NCKAP5: variants seen among roughly 807,000 people sequenced by gnomAD.
NCKAP5 encodes NCK associated protein 5.
In NCKAP5, 92 loss-of-function variants were observed where a neutral mutation model predicts 167.0. That is an observed-to-expected ratio of 0.55 (90% CI 0.47 to 0.66). The LOEUF (loss-of-function observed/expected upper bound fraction) is 0.66, where lower values mean the gene tolerates loss of function less well. Ranked by LOEUF, NCKAP5 falls within the 30% of genes least tolerant of loss-of-function variation. NCKAP5 has a pLI of 0.00. For synonymous variants in NCKAP5, 891 were observed against 877.4 expected (o/e 1.02, Z -0.27); for missense variants, 2,378 against 2,315.0 (o/e 1.03, Z -0.56).
chr2:133,593,565 A>T, the NCKAP5 span, among the ~76,000 whole-genome samples: 1 of 152,156 alleles, frequency 6.6e-6, no homozygotes, highest in Non-Finnish European at 1.5e-5. Flanking sequence ...CTTTTTGCCG[A>T]AGGCTGGGGA....
At chr2:133,236,070 CAAAAAAA>C (rs527705526) in intron 4 of NCKAP5, among the ~76,000 whole-genome samples, 5 of 15,652 alleles carry the variant, frequency 3.2e-4, no homozygotes, top group African/African-American at 5.7e-4. Context: ...TGTCTCAGAC[CAAAAAAA>C]AAAAAAAAAA....
At chr2:133,338,724 A>T (rs1482363230) in intron 3 of NCKAP5, among the ~76,000 whole-genome samples, 2 of 152,128 alleles carry the variant, frequency 1.3e-5, no homozygotes, top group African/African-American at 4.8e-5. Flanking sequence ...ATACAAGGCC[A>T]TGGCCAGGCA....
intron 5 of NCKAP5, among the ~76,000 whole-genome samples, chr2:133,187,353 C>T (rs1361280034): frequency 6.6e-6 from 1 of 151,804 alleles, no homozygotes; most frequent in Non-Finnish European, 1.5e-5. Context: ...TTTATTGATA[C>T]TTGGAAAGCA....
the NCKAP5 span, among the ~76,000 whole-genome samples, chr2:133,644,566 T>C: frequency 6.6e-6 from 1 of 152,246 alleles, no homozygotes; most frequent in African/African-American, 2.4e-5. Context: ...CTAGACAATA[T>C]TTCTGGCTTC....
chr2:133,658,340 G>A, the NCKAP5 span, among the ~76,000 whole-genome samples: 1 of 152,162 alleles, frequency 6.6e-6, no homozygotes, highest in African/African-American at 2.4e-5. Flanking sequence ...CAAAGTAGTG[G>A]TGTGTAAAAT....
intron 2 of NCKAP5, chr2:133,527,269 G>A (rs1400210892): frequency 6.6e-6 from 1 of 152,100 alleles, no homozygotes; most frequent in Non-Finnish European, 1.5e-5. Context: ...TAACTATGAT[G>A]TCCCCACACA....
At chr2:133,141,512 T>C (rs993062765) in intron 5 of NCKAP5, among the ~76,000 whole-genome samples, 2 of 152,158 alleles carry the variant, frequency 1.3e-5, no homozygotes, top group African/African-American at 2.4e-5. Context: ...ATTATGTGTA[T>C]TGGAAATTAG....
At chr2:133,179,435 TA>T (rs575037464) in intron 5 of NCKAP5, among the ~76,000 whole-genome samples, 14 of 149,720 alleles carry the variant, frequency 9.4e-5, no homozygotes, top group South Asian at 2.1e-4. Flanking sequence ...AGGTTTCAAT[TA>T]AAAAAAAATC....
Position 132,918,755 on chromosome 2 carries a change from T to C in NCKAP5, c.580-39839A>G, listed in dbSNP as rs375637299. On this transcript the variant is annotated intron_variant, in intron 8 of 19. Coordinates refer to ENST00000409261, the MANE Select transcript of NCKAP5 (RefSeq NM_207363.3). The stretch of plus-strand genomic sequence containing the variant: ...TGTAAATAACAATGCTTTCTGAAGA[T>C]TCCAAGTTTAGAAAAAGCCATGAAA... Among the ~76,000 whole-genome samples, 7 of 152,200 alleles carry C rather than the reference T, an allele frequency of 4.6e-5. No homozygotes were observed. The East Asian group carries it at 7.7e-4, about 17-fold the overall frequency.
chr2:133,496,806 G>T (rs568354718), intron 3 of NCKAP5, among the ~76,000 whole-genome samples: 2 of 152,162 alleles, frequency 1.3e-5, no homozygotes, highest in South Asian at 4.2e-4. Flanking sequence ...ACCTATGAGA[G>T]CCACTGAGGC....
chr2:132,992,912 GC>G (rs2077488323), intron 7 of NCKAP5, among the ~76,000 whole-genome samples: 1 of 152,178 alleles, frequency 6.6e-6, no homozygotes, highest in Admixed American at 6.5e-5. Flanking sequence ...TCTTGAAGTA[GC>G]CCTGTGTAGA....
chr2:133,378,210 G>C (rs1317358883), intron 3 of NCKAP5, among the ~76,000 whole-genome samples: 1 of 151,986 alleles, frequency 6.6e-6, no homozygotes, highest in East Asian at 1.9e-4. Context: ...ATCTTACTAG[G>C]ATATGGACAC....
chr2:133,013,667 CA>C (rs1187581354), intron 6 of NCKAP5, among the ~76,000 whole-genome samples: 1 of 152,128 alleles, frequency 6.6e-6, no homozygotes, highest in Non-Finnish European at 1.5e-5. Context: ...ACAGCCAAAC[CA>C]TATCAGGTAG....
chr2:132,785,450 G>C lies in NCKAP5; in HGVS notation c.1361C>G (p.Thr454Arg). 6.2e-7 allele frequency: 1 copy of C among 1,613,770 alleles called. No homozygotes were observed. The highest frequency in any genetic ancestry group is 1.1e-5 in the South Asian group (1 of 91,066). Reference sequence around the variant, plus strand: ...CTTGCAGGGGCTCCCCAGGTCAGCTGTTTTGCAGGGGGGATACTCCTTGAG... The same window carrying C: ...CTTGCAGGGGCTCCCCAGGTCAGCTCTTTTGCAGGGGGGATACTCCTTGAG... Reference protein sequence around the residue: ...SSLKEYPPCKTADLGSPCKEP... With the variant: ...SSLKEYPPCKRADLGSPCKEP... Residue 454 changes from threonine to arginine, a missense_variant, in exon 14 of 20, where the codon ACA (threonine) becomes AGA (arginine). Around this residue, in one of 3 missense-constraint regions of NCKAP5, gnomAD observed 1,049 missense variants for 1,023.4 expected, o/e 1.02. Transcript: ENST00000409261.
chr2:132,868,186 T>G (rs1479916506), intron 10 of NCKAP5, among the ~76,000 whole-genome samples: 1 of 152,160 alleles, frequency 6.6e-6, no homozygotes, highest in Non-Finnish European at 1.5e-5. Context: ...ATTTCACAGA[T>G]AGAAATCAAA....
chr2:133,258,813 T>C (rs780063812), intron 4 of NCKAP5, among the ~76,000 whole-genome samples: 11 of 151,852 alleles, frequency 7.2e-5, no homozygotes, highest in Non-Finnish European at 1.5e-4. Context: ...TGATCAAAAC[T>C]ATTTTAAGAA....
At chr2:132,878,937 A>T (rs918184955) in intron 8 of NCKAP5, 21 bp from the exon 9 acceptor site, 1 of 1,586,012 alleles carries the variant, frequency 6.3e-7, no homozygotes, top group African/African-American at 1.3e-5. Flanking sequence ...ATACAAAAAT[A>T]ACACAAATAA....
chr2:133,127,697 G>T (rs556958328), intron 6 of NCKAP5, among the ~76,000 whole-genome samples: 1 of 152,280 alleles, frequency 6.6e-6, no homozygotes, highest in African/African-American at 2.4e-5. Context: ...AGCAAGATCT[G>T]CCTCCTCCTA....
At chr2:133,027,258 C>T (rs1412916040) in intron 6 of NCKAP5, among the ~76,000 whole-genome samples, 1 of 152,206 alleles carries the variant, frequency 6.6e-6, no homozygotes, top group African/African-American at 2.4e-5. Context: ...ATGTAACACC[C>T]ATGAACCATA....
Sources: gnomAD v4.1 joint callset for allele counts (sites outside exome capture counted in the v4.1 genomes callset) on GRCh38, gnomAD v4.1.1 for gene constraint, gnomAD v4.1.1 regional missense constraint, MANE v1.5 for transcripts, NCBI Gene and HGNC (gene_info 2026-07-23, HGNC 2026-07-21) for gene names.